Variants in SEL1L3 observed in about 807,000 individuals in gnomAD.
The protein encoded by SEL1L3 is protein sel-1 homolog 3.
In SEL1L3, 76 loss-of-function variants were observed where a neutral mutation model predicts 142.8. That is an observed-to-expected ratio of 0.53 (90% confidence interval 0.44 to 0.64). The LOEUF (loss-of-function observed/expected upper bound fraction) is 0.64, where lower values mean the gene tolerates loss of function less well. Ranked by LOEUF, SEL1L3 falls within the 30% of genes least tolerant of loss-of-function variation. The pLI is 0.00. For missense variants in SEL1L3, 1,262 were observed against 1,381.7 expected (o/e 0.91, Z 1.37); for synonymous variants, 504 against 519.6 (o/e 0.97, Z 0.41).
At chr4:25,758,830 T>A in intron 21 of SEL1L3, 111 bp downstream of exon 21, 1 of 1,217,526 alleles carries the variant, frequency 8.2e-7, no homozygotes, top group South Asian at 1.7e-5. Flanking sequence ...TTTTGTTTTT[T>A]AAATAACAAT....
the SEL1L3 span, among the ~76,000 whole-genome samples, chr4:25,740,791 C>CT: frequency 6.6e-5 from 10 of 152,038 alleles, no homozygotes; most frequent in Middle Eastern, 3.4e-3. Context: ...TTTCTTTTTT[C>CT]TTTTTTTTCC....
intron 6 of SEL1L3, among the ~76,000 whole-genome samples, chr4:25,822,742 T>C (rs184791385): frequency 6.6e-6 from 1 of 152,262 alleles, no homozygotes; most frequent in African/African-American, 2.4e-5. Context: ...GACCACACTG[T>C]CCTGAAGGGC....
Position 25,789,812 on chromosome 4 carries a change from G to A in SEL1L3, c.2076+643C>T, listed in dbSNP as rs371363433. ...TCAGCCTTCACAGGCTCCCACAAAG[G>A]GCTCCTCTTCATAGTGAAATCAAAG... On this transcript the variant is annotated intron_variant, in intron 12 of 23. Transcript: ENST00000399878. Among the ~76,000 whole-genome samples, 84 of 152,110 alleles carry A rather than the reference G, an allele frequency of 5.5e-4. 2 individuals carry two copies. The South Asian group carries it at 0.015, about 27-fold the overall frequency.
intron 2 of SEL1L3, among the ~76,000 whole-genome samples, chr4:25,840,644 A>G (rs940055122): frequency 6.6e-5 from 10 of 152,232 alleles, no homozygotes; most frequent in Admixed American, 4.6e-4. Flanking sequence ...GAACCTTCCA[A>G]GAGTGTTCCT....
chr4:25,858,451 G>C (rs949991176), intron 1 of SEL1L3, among the ~76,000 whole-genome samples: 2 of 152,236 alleles, frequency 1.3e-5, no homozygotes, highest in Non-Finnish European at 2.9e-5. Flanking sequence ...GGATGACCGA[G>C]GGTGTGTGGC....
intron 1 of SEL1L3, among the ~76,000 whole-genome samples, chr4:25,858,549 T>C (rs2109327387): frequency 6.6e-6 from 1 of 152,060 alleles, no homozygotes; most frequent in African/African-American, 2.4e-5. Context: ...TTTGTTGTTG[T>C]TGTTTTGTTT....
At chr4:25,862,349 A>C (rs1389613891) in intron 1 of SEL1L3, among the ~76,000 whole-genome samples, 1 of 149,032 alleles carries the variant, frequency 6.7e-6, no homozygotes. Flanking sequence ...CGGGGCGGGG[A>C]GCGAACTCCG....
Position 25,748,128 on chromosome 4 carries a change from T to G in SEL1L3, c.*297A>C, listed in dbSNP as rs10032513. 7.4e-3 allele frequency: 2,566 copies of G among 347,334 alleles called. 73 individuals are homozygous for G. The highest frequency in any genetic ancestry group is 0.051 in the African/African-American group (2,430 of 48,052). 21.5% of individuals were successfully genotyped at this position (347,334 alleles called of 1,614,324 possible). A position where few individuals can be genotyped will look rare whatever the true frequency, so the allele number is the denominator to read the frequency against. ...TCCAGATCTGCCGTAGGGCATGCTA[T>G]GACTCCTAATACATACAATCACTAG... is the stretch of plus-strand genomic sequence containing the variant. On this transcript the variant is annotated 3_prime_UTR_variant, in exon 24 of 24. Coordinates refer to ENST00000399878, the MANE Select transcript of SEL1L3 (RefSeq NM_015187.5).
rs76936235 is a variant in SEL1L3, at chr4:25,752,418, GAAAAA to G, written c.3260-3859_3260-3855del. Among the ~76,000 whole-genome samples the G allele has an allele frequency of 2.6e-4, 26 of 98,862 alleles. No individual in the cohort carries two copies. The East Asian group carries it at 5.8e-3, about 22-fold the overall frequency. 64.9% of individuals were successfully genotyped at this position (98,862 alleles called of 152,430 possible). A position where few individuals can be genotyped will look rare whatever the true frequency, so the allele number is the denominator to read the frequency against. On this transcript the variant is annotated intron_variant, in intron 23 of 23. Coordinates refer to ENST00000399878, the MANE Select transcript of SEL1L3 (RefSeq NM_015187.5). Reference sequence around the variant, plus strand: ...GGCAATAGGGTGAGACTCCATCTCCGAAAAAAAAAAAAAAAAAAAAGTTGAATGTT... The same window carrying G: ...GGCAATAGGGTGAGACTCCATCTCCGAAAAAAAAAAAAAAAGTTGAATGTT...
At chr4:25,752,206 C>CAGGAGTTCAAGACCAGCACAGCCAACATG (rs1717644867) in intron 23 of SEL1L3, among the ~76,000 whole-genome samples, 1 of 151,258 alleles carries the variant, frequency 6.6e-6, no homozygotes, top group Non-Finnish European at 1.5e-5. Flanking sequence ...CACTTGAGGT[C>CAGGAGTTCAAGACCAGCACAGCCAACATG]AGGAGTTCAA....
At chr4:25,817,331 C>G in intron 9 of SEL1L3, among the ~76,000 whole-genome samples, 1 of 152,196 alleles carries the variant, frequency 6.6e-6, no homozygotes, top group Non-Finnish European at 1.5e-5. Flanking sequence ...GGAGTTGCCT[C>G]CCACCACTAA....
In SEL1L3 at chr4:25,833,051, A is replaced by G. The variant is rs773745616; in HGVS notation, c.1042T>C (p.Phe348Leu). Residue 348 changes from phenylalanine to leucine, a missense_variant, in exon 5 of 24, where the codon TTC becomes CTC. Physicochemically the swap from Phe to Leu is conservative, Grantham distance 22. Around this residue, in one of 3 missense-constraint regions of SEL1L3, gnomAD observed 689 missense variants for 692.8 expected, o/e 0.99. Transcript: ENST00000399878. Reference protein sequence around the residue: ...KGEDLAVKTKFIIPLKEWFRL... With the variant: ...KGEDLAVKTKLIIPLKEWFRL... ...AACCACTCCTTCAAAGGTATGATGAATTTAGTTTTTACAGCAAGGTCTTCC... is the reference window on the plus strand; with the variant it reads ...AACCACTCCTTCAAAGGTATGATGAGTTTAGTTTTTACAGCAAGGTCTTCC... 1 of 1,613,132 alleles carries G rather than the reference A, an allele frequency of 6.2e-7. No homozygotes were observed.
At chr4:25,818,379 A>G in intron 8 of SEL1L3, 101 bp from the exon 9 acceptor site, 3 of 1,053,824 alleles carry the variant, frequency 2.8e-6, no homozygotes, top group Non-Finnish European at 2.6e-6. Flanking sequence ...AAGACTTGCC[A>G]TTACTGGATG....
intron 23 of SEL1L3, among the ~76,000 whole-genome samples, chr4:25,754,424 C>A (rs1445784957): frequency 3.3e-5 from 5 of 150,826 alleles, no homozygotes; most frequent in African/African-American, 1.2e-4. Flanking sequence ...TTTCAGCTCA[C>A]TGCAACCTCC....
At chr4:25,783,657 G>A (rs1332458734) in intron 14 of SEL1L3, among the ~76,000 whole-genome samples, 5 of 152,202 alleles carry the variant, frequency 3.3e-5, no homozygotes, top group Non-Finnish European at 4.4e-5. Context: ...GTGTGGGTGG[G>A]GGCCCCTCGA....
chr4:25,806,018 G>GT (rs904711546), intron 9 of SEL1L3, among the ~76,000 whole-genome samples: 37 of 148,424 alleles, frequency 2.5e-4, no homozygotes, highest in South Asian at 8.6e-4. Flanking sequence ...AATGTTGTGG[G>GT]TTTTTTTTGT....
intron 10 of SEL1L3, 149 bp downstream of exon 10, chr4:25,804,392 C>T (rs1713406655): frequency 3.1e-6 from 2 of 648,176 alleles, no homozygotes; most frequent in African/African-American, 1.8e-5. Flanking sequence ...CTGTATTTAA[C>T]ACAGCCCCAG....
chr4:25,820,993 G>A (rs139964008), intron 7 of SEL1L3, among the ~76,000 whole-genome samples: 86 of 152,248 alleles, frequency 5.6e-4, no homozygotes, highest in African/African-American at 1.8e-3. Context: ...CTCCCAAAGC[G>A]CTGGGATTAC....
At chr4:25,799,490 G>A (rs373415576) in intron 11 of SEL1L3, among the ~76,000 whole-genome samples, 1 of 152,158 alleles carries the variant, frequency 6.6e-6, no homozygotes, top group South Asian at 2.1e-4. Flanking sequence ...GTTCCATTCT[G>A]AGGTACTGGG....
Sources: allele counts gnomAD v4.1 joint callset (sites outside exome capture counted in the v4.1 genomes callset), GRCh38; gene constraint gnomAD v4.1.1; regional missense constraint gnomAD v4.1.1; transcripts MANE v1.5; gene names NCBI Gene and HGNC (gene_info 2026-07-23, HGNC 2026-07-21).